Variants in COL19A1 observed in about 807,000 individuals in gnomAD.
COL19A1 encodes collagen type XIX alpha 1 chain, also known as collagen alpha-1(XIX) chain.
Under a neutral mutation model 190.2 loss-of-function variants are expected in COL19A1, and 159 were observed. The ratio of observed to expected loss-of-function variants is 0.84; its 90% confidence interval spans 0.73 to 0.95. The LOEUF (loss-of-function observed/expected upper bound fraction) is 0.95. Ranked by LOEUF, COL19A1 falls within the 40% of genes least tolerant of loss-of-function variation. COL19A1 has a pLI of 0.00. For missense variants in COL19A1, 1,418 were observed against 1,431.9 expected, an observed-to-expected ratio of 0.99 and a Z score of 0.16; for synonymous variants, 509 against 458.9, an observed-to-expected ratio of 1.11 and a Z score of -1.39.
At chr6:69,930,259 G>T (rs1055571991) in intron 6 of COL19A1, among the ~76,000 whole-genome samples, 2 of 151,908 alleles carry the variant, frequency 1.3e-5, no homozygotes, top group African/African-American at 4.8e-5. Flanking sequence ...AAACCCTTTT[G>T]GATAAAAAGT....
At chr6:70,163,128 G>A (rs1787909668) in intron 35 of COL19A1, among the ~76,000 whole-genome samples, 1 of 152,140 alleles carries the variant, frequency 6.6e-6, no homozygotes, top group South Asian at 2.1e-4. Flanking sequence ...GGTTGACGAA[G>A]GTGAAAAAGC....
chr6:69,999,800 T>TA (rs1432053377), intron 11 of COL19A1, among the ~76,000 whole-genome samples: 2 of 152,224 alleles, frequency 1.3e-5, no homozygotes, highest in African/African-American at 4.8e-5. Context: ...AAAGAACAGT[T>TA]ACGTTGTGTA....
At chr6:70,130,446 G>T (rs1785454446) in intron 18 of COL19A1, among the ~76,000 whole-genome samples, 1 of 152,164 alleles carries the variant, frequency 6.6e-6, no homozygotes, top group South Asian at 2.1e-4. Context: ...GGTTGGTCTT[G>T]GACTCCTGAC....
Position 70,209,518 on chromosome 6 carries a change from C to A in COL19A1, c.*2244C>A, listed in dbSNP as rs1768071899. On this transcript the variant is annotated 3_prime_UTR_variant, in exon 51 of 51. Transcript: ENST00000620364. ...TTTTTATTCTACAAAATATGTCATG[C>A]ATTCTTTCTTATGAATTGTATATTT... The A allele has an allele frequency of 6.6e-6, 1 of 152,058 alleles. No homozygotes were observed. The highest frequency in any genetic ancestry group is 1.5e-5 in the Non-Finnish European group (1 of 68,004). The allele number at this position is 152,058 out of a possible 1,614,324, so 9.4% of individuals were successfully genotyped here. A position where few individuals can be genotyped will look rare whatever the true frequency, so the allele number is the denominator to read the frequency against.
intron 4 of COL19A1, among the ~76,000 whole-genome samples, chr6:69,915,924 C>T (rs77345487): frequency 0.022 from 3,255 of 149,352 alleles, 58 homozygotes; most frequent in Non-Finnish European, 0.033. Context: ...GAAAATTACA[C>T]TCATCTCATC....
At chr6:69,883,826 A>G (rs1310427067) in intron 2 of COL19A1, among the ~76,000 whole-genome samples, 1 of 152,360 alleles carries the variant, frequency 6.6e-6, no homozygotes, top group East Asian at 1.9e-4. Flanking sequence ...TTAGCAGTAT[A>G]CACAGATCTT....
chr6:69,900,661 A>G (rs1770128095), intron 4 of COL19A1, among the ~76,000 whole-genome samples: 1 of 152,130 alleles, frequency 6.6e-6, no homozygotes, highest in African/African-American at 2.4e-5. Flanking sequence ...AAACATTAAA[A>G]CATAAGGCAC....
At chr6:69,928,058 A>T (rs760912486) in intron 5 of COL19A1, 26 bp downstream of exon 5, 2 of 1,602,058 alleles carry the variant, frequency 1.2e-6, no homozygotes, top group African/African-American at 2.7e-5. Context: ...AGTTGTGCTC[A>T]TTAGTTTTCC....
rs1772724472 is a variant in COL19A1 at position 69,930,945 on chromosome 6, T to C, written c.666+1245T>C. 2.0e-5 allele frequency among the ~76,000 whole-genome samples: 3 copies of C among 152,218 alleles called. No homozygotes were observed. The South Asian group carries it at 6.2e-4, about 31-fold the overall frequency. On this transcript the variant is annotated intron_variant, in intron 6 of 50. Transcript: ENST00000620364. ...AATTTCATGTGGATTCTTGGTTCAT[T>C]TGAGGATAAACTTGAAGGCATGTCA...
rs777438469 is a variant in COL19A1 at position 70,206,991 on chromosome 6, T to C, written c.3301+13T>C. 7.4e-6 allele frequency: 12 copies of C among 1,612,592 alleles called. No homozygotes were observed. The African/African-American group carries it at 1.2e-4, about 16-fold the overall frequency. ...CCTGGGACTTCAGGTAAGTGGGATA[T>C]TGTCTTCACAACACAAGCAAGCCTT... On this transcript the variant is annotated intron_variant, in intron 50 of 50. Transcript: ENST00000620364.
At chr6:70,163,454 G>A (rs188765519) in intron 36 of COL19A1, 58 bp downstream of exon 36, 4 of 1,497,588 alleles carry the variant, frequency 2.7e-6, no homozygotes, top group East Asian at 2.4e-5. Flanking sequence ...GGAGCAGGAT[G>A]AGACTCTTCA....
chr6:70,127,922 G>C (rs1012870006), intron 17 of COL19A1, among the ~76,000 whole-genome samples: 2 of 152,134 alleles, frequency 1.3e-5, no homozygotes, highest in African/African-American at 4.8e-5. Context: ...CACTCAGAGA[G>C]GAAGAGTTCA....
intron 14 of COL19A1, among the ~76,000 whole-genome samples, chr6:70,036,224 T>C (rs1370414383): frequency 6.6e-6 from 1 of 152,238 alleles, no homozygotes; most frequent in Non-Finnish European, 1.5e-5. Context: ...GTCTCCTAAA[T>C]GTTTGATTAT....
In COL19A1 at chr6:70,116,247, A is replaced by G. The variant is rs74676003; in HGVS notation, c.1279-5633A>G. On this transcript the variant is annotated intron_variant, in intron 16 of 50. Coordinates refer to ENST00000620364, the MANE Select transcript of COL19A1 (RefSeq NM_001858.6). The stretch of plus-strand genomic sequence containing the variant: ...TCTTGTCTTTTATAAATTTGGAAGA[A>G]GCAAGCCCTTTGCTCTGTTTGATAC... 1.3e-3 allele frequency among the ~76,000 whole-genome samples: 203 copies of G among 152,330 alleles called. 1 individual carries two copies. Among genetic ancestry groups the G allele is most frequent in the African/African-American group, 4.6e-3 (193 of 41,574 alleles).
chr6:70,168,552 T>C, intron 39 of COL19A1, 103 bp from the exon 40 acceptor site: 1 of 992,320 alleles, frequency 1.0e-6, no homozygotes, highest in Non-Finnish European at 1.5e-6. Flanking sequence ...CAAAACTTGC[T>C]AATATTCGTA....
At position 70,023,655 on chromosome 6, in the gene COL19A1, C is replaced by G. The variant is rs2273426; in HGVS notation, c.1055C>G (p.Ala352Gly). The G allele has an allele frequency of 0.14, 222,082 of 1,604,472 alleles. 21,444 individuals are homozygous for G. The highest frequency in any genetic ancestry group is 0.48 in the African/African-American group (35,434 of 74,104). ...KGEQGEKGDPALAGLNGENGL... is the reference protein window; with the variant it reads ...KGEQGEKGDPGLAGLNGENGL... ...GAACAAGGAGAAAAAGGAGATCCAG[C>G]TCTGGCTGGCCTTAATGGAGAAAAT... Residue 352 changes from alanine to glycine, a missense_variant, in exon 12 of 51, where the codon GCT (alanine) becomes GGT (glycine). Coordinates refer to ENST00000620364, the MANE Select transcript of COL19A1 (RefSeq NM_001858.6).
At chr6:70,100,719 C>A (rs1346083287) in intron 15 of COL19A1, among the ~76,000 whole-genome samples, 1 of 151,776 alleles carries the variant, frequency 6.6e-6, no homozygotes, top group Non-Finnish European at 1.5e-5. Context: ...CTCAGGTGAT[C>A]CGCCTGCCTC....
At chr6:70,100,963 C>G (rs1783590636) in intron 15 of COL19A1, among the ~76,000 whole-genome samples, 1 of 152,096 alleles carries the variant, frequency 6.6e-6, no homozygotes. Context: ...TGAAAACTTA[C>G]TCTACTGTTT....
At chr6:70,048,337 T>G (rs1780016769) in intron 14 of COL19A1, among the ~76,000 whole-genome samples, 1 of 152,126 alleles carries the variant, frequency 6.6e-6, no homozygotes, top group Non-Finnish European at 1.5e-5. Context: ...TAAGTTGGTA[T>G]GTACAAGAAA....
Sources: gnomAD v4.1 joint callset for allele counts (sites outside exome capture counted in the v4.1 genomes callset) on GRCh38, gnomAD v4.1.1 for gene constraint, MANE v1.5 for transcripts, NCBI Gene and HGNC (gene_info 2026-07-23, HGNC 2026-07-21) for gene names.